Variants in COX10 observed in about 807,000 individuals in gnomAD.
COX10 encodes protoheme IX farnesyltransferase, mitochondrial.
A neutral mutation model predicts 37.3 loss-of-function variants in COX10; 27 were observed. The observed-to-expected ratio is 0.72, with a 90% confidence interval of 0.53 to 1.00. The LOEUF (loss-of-function observed/expected upper bound fraction) is 1.00. Ranked by LOEUF, COX10 falls within the 50% of genes least tolerant of loss-of-function variation. COX10 has a pLI of 0.00. For synonymous variants in COX10, 222 were observed against 229.1 expected (o/e 0.97, Z 0.28); for missense variants, 475 against 563.2 (o/e 0.84, Z 1.59).
intron 3 of COX10, among the ~76,000 whole-genome samples, chr17:14,087,737 G>A (rs973797922): frequency 2.0e-5 from 3 of 149,486 alleles, no homozygotes; most frequent in Non-Finnish European, 3.0e-5. Context: ...CCAATGTCCT[G>A]TTTCCCAAAT....
At chr17:14,086,882 T>C (rs971448994) in intron 3 of COX10, among the ~76,000 whole-genome samples, 7 of 152,182 alleles carry the variant, frequency 4.6e-5, no homozygotes, top group South Asian at 2.1e-4. Flanking sequence ...GCTTTCTTCA[T>C]TATAATTTTC....
intron 4 of COX10, among the ~76,000 whole-genome samples, chr17:14,157,099 C>T (rs936163433): frequency 6.6e-6 from 1 of 152,082 alleles, no homozygotes; most frequent in Non-Finnish European, 1.5e-5. Context: ...TTTCACATGC[C>T]ACAAATAATC....
At chr17:14,098,993 A>T (rs1915710578) in intron 3 of COX10, among the ~76,000 whole-genome samples, 1 of 151,618 alleles carries the variant, frequency 6.6e-6, no homozygotes. Context: ...TCTGGCCTAG[A>T]CTCCCCACCT....
intron 4 of COX10, among the ~76,000 whole-genome samples, chr17:14,124,335 G>A (rs1356997875): frequency 1.3e-5 from 2 of 152,160 alleles, no homozygotes; most frequent in African/African-American, 4.8e-5. Flanking sequence ...TAGGGAAGTA[G>A]AATAGTTTTA....
chr17:14,102,261 T>A lies in COX10; in HGVS notation c.624+19T>A. On this transcript the variant is annotated intron_variant, in intron 4 of 6. Transcript: ENST00000261643. ...CAATCAGGTCAGTTTCTCACTTTCA[T>A]CTAAATTATGTTATTGTCACTTTTT... The A allele has an allele frequency of 6.8e-6, 11 of 1,613,450 alleles. No homozygotes were observed. Among genetic ancestry groups the A allele is most frequent in the Non-Finnish European group, 9.3e-6 (11 of 1,179,604 alleles).
intron 5 of COX10, among the ~76,000 whole-genome samples, chr17:14,187,325 A>G (rs1906064089): frequency 6.6e-6 from 1 of 152,246 alleles, no homozygotes; most frequent in Non-Finnish European, 1.5e-5. Context: ...AAAAATGGAA[A>G]AAGACTGAAT....
chr17:14,120,367 C>A (rs529508394), intron 4 of COX10, among the ~76,000 whole-genome samples: 1 of 152,258 alleles, frequency 6.6e-6, no homozygotes, highest in East Asian at 1.9e-4. Context: ...GATTAAATGA[C>A]CTAGGATTAG....
chr17:14,144,607 C>A (rs1386072014), intron 4 of COX10, among the ~76,000 whole-genome samples: 2 of 152,048 alleles, frequency 1.3e-5, no homozygotes, highest in Non-Finnish European at 2.9e-5. Context: ...ATTTATTGTT[C>A]TTGAAAACTG....
intron 3 of COX10, among the ~76,000 whole-genome samples, chr17:14,099,210 A>G (rs1281875357): frequency 6.6e-6 from 1 of 152,042 alleles, no homozygotes; most frequent in Non-Finnish European, 1.5e-5. Context: ...GATGCACACC[A>G]TATTTGGGAA....
chr17:14,115,200 A>T (rs1403184291), intron 4 of COX10, among the ~76,000 whole-genome samples: 1 of 152,160 alleles, frequency 6.6e-6, no homozygotes, highest in African/African-American at 2.4e-5. Flanking sequence ...CTGCAAATTC[A>T]TCAGATCTGT....
At chr17:14,181,603 T>A (rs1189657427) in intron 5 of COX10, among the ~76,000 whole-genome samples, 2 of 152,196 alleles carry the variant, frequency 1.3e-5, no homozygotes, top group Non-Finnish European at 2.9e-5. Context: ...ACAAAGCTAT[T>A]TTTTAAGTAG....
At chr17:14,095,811 T>C (rs1382073038) in intron 3 of COX10, among the ~76,000 whole-genome samples, 1 of 152,172 alleles carries the variant, frequency 6.6e-6, no homozygotes, top group East Asian at 1.9e-4. Context: ...CATGGCTTGC[T>C]CTTAGCTCCT....
intron 1 of COX10, 109 bp downstream of exon 1, chr17:14,069,757 GGCCGGCCACCGGT>G: frequency 7.3e-7 from 1 of 1,368,530 alleles, no homozygotes; most frequent in Non-Finnish European, 1.0e-6. Flanking sequence ...TGGCGAGGTT[GGCCGGCCACCGGT>G]GTGGTGGGGG....
At chr17:14,186,566 G>C (rs992174736) in intron 5 of COX10, among the ~76,000 whole-genome samples, 6 of 151,882 alleles carry the variant, frequency 4.0e-5, no homozygotes, top group African/African-American at 1.5e-4. Context: ...GCTTGCCTTG[G>C]CCACGAACTG....
At chr17:14,147,137 C>T (rs1904744219) in intron 4 of COX10, among the ~76,000 whole-genome samples, 1 of 152,132 alleles carries the variant, frequency 6.6e-6, no homozygotes, top group African/African-American at 2.4e-5. Flanking sequence ...CCAGCACTTC[C>T]ACTGCTAGGT....
intron 3 of COX10, among the ~76,000 whole-genome samples, chr17:14,094,393 G>A (rs1915598504): frequency 2.0e-5 from 3 of 151,866 alleles, no homozygotes. Flanking sequence ...CAAAATGTGG[G>A]TTTAAAAAGA....
intron 1 of COX10, among the ~76,000 whole-genome samples, chr17:14,070,526 C>G (rs920271574): frequency 2.6e-5 from 4 of 152,130 alleles, no homozygotes; most frequent in African/African-American, 9.7e-5. Flanking sequence ...TGGATGGATG[C>G]AATTTGTCCC....
intron 5 of COX10, chr17:14,182,402 A>G: frequency 5.0e-6 from 4 of 792,954 alleles, no homozygotes; most frequent in Non-Finnish European, 4.6e-6. Context: ...TCTTTTAAAC[A>G]TGTTTTAAAA....
intron 5 of COX10, among the ~76,000 whole-genome samples, chr17:14,171,329 G>A (rs1412705286): frequency 6.6e-6 from 1 of 152,236 alleles, no homozygotes; most frequent in African/African-American, 2.4e-5. Context: ...GACACTAAGT[G>A]TTGTCAAAGG....
Sources: gnomAD v4.1 joint callset for allele counts (sites outside exome capture counted in the v4.1 genomes callset) on GRCh38, gnomAD v4.1.1 for gene constraint, MANE v1.5 for transcripts, NCBI Gene and HGNC (gene_info 2026-07-23, HGNC 2026-07-21) for gene names.